Variants in DIDO1 observed in about 807,000 individuals in gnomAD.
The protein encoded by DIDO1 is death-inducer obliterator 1.
DIDO1 carries 16 observed loss-of-function variants against 99.4 expected under a neutral mutation model. The ratio of observed to expected loss-of-function variants is 0.16; its 90% CI spans 0.11 to 0.24. The LOEUF (loss-of-function observed/expected upper bound fraction) is 0.24, where lower values mean the gene tolerates loss of function less well. Among genes scored for constraint, DIDO1 ranks in the 10% least tolerant of loss-of-function variants. The pLI, the probability that DIDO1 is intolerant of heterozygous loss-of-function variation, is 1.00. For synonymous variants in DIDO1, 1,366 were observed against 1,239.1 expected, an observed-to-expected ratio of 1.10 and a Z score of -2.15; for missense variants, 2,996 against 3,014.0, an observed-to-expected ratio of 0.99 and a Z score of 0.14.
chr20:62,892,922 G>T lies in DIDO1; in HGVS notation c.3142C>A (p.Leu1048Ile), dbSNP rs751413786. 9 of 1,613,900 alleles carry T rather than the reference G, an allele frequency of 5.6e-6. No homozygotes were observed. The Admixed American group carries it at 1.5e-4, about 27-fold the overall frequency. ...SRSPPEGDTT[L>I]FLSRLSTIWK... ...ATGGTGCTGAGTCGAGACAAAAAGA[G>T]GGTCGTGTCTCCCTCTGGAGGGGAA... Residue 1048 changes from leucine to isoleucine, a missense_variant, in exon 13 of 16, where the codon CTC becomes ATC. This residue lies in a region of DIDO1 where 898 missense variants were observed against 972.7 expected (regional missense o/e 0.92). Transcript: ENST00000395343.
chr20:62,882,218 G>C lies in DIDO1; in HGVS notation c.3738C>G (p.Leu1246=), dbSNP rs1304515182. 22 of 1,613,780 alleles carry C rather than the reference G, an allele frequency of 1.4e-5. No individual in the cohort carries two copies. In the South Asian group the frequency reaches 2.4e-4, roughly 18 times the overall value. Residue 1246 remains leucine (L), a synonymous_variant, in exon 16 of 16, where the codon CTC becomes CTG. Transcript: ENST00000395343. ...QSEKKPSKYP[L]CSADAAVSTT... ...TGCTGACAGCCGCGTCTGCAGAGCA[G>C]AGTGGATACTTGGAGGGCTTCTTTT...
intron 1 of DIDO1, among the ~76,000 whole-genome samples, chr20:62,921,056 G>A (rs1457801209): frequency 6.6e-6 from 1 of 152,082 alleles, no homozygotes; most frequent in East Asian, 1.9e-4. Flanking sequence ...ACCATGCCGA[G>A]TTATTTTTTT....
chr20:62,898,575 C>G (rs2064589091), intron 6 of DIDO1, among the ~76,000 whole-genome samples: 1 of 152,174 alleles, frequency 6.6e-6, no homozygotes. Flanking sequence ...AAAGGCAAAT[C>G]CTGTATTTTC....
chr20:62,894,570 AAGTG>A lies in DIDO1; in HGVS notation c.2437-26_2437-23del, dbSNP rs2064474507. 5 of 1,601,950 alleles carry A rather than the reference AAGTG, an allele frequency of 3.1e-6. No homozygotes were observed. The highest frequency in any genetic ancestry group is 3.4e-6 in the Non-Finnish European group (4 of 1,176,510). On this transcript the variant is annotated intron_variant, in intron 10 of 15. Transcript: ENST00000395343. This position sits in a 1 kb window ranked among gnomAD's most constrained non-coding sequence, Gnocchi z 4.4. ...GTTCCTAAAAAAGAAAAAGAAAAAAAAGTGAGGTCGTTTCTTCTCCAAACTCAGC... is the reference window on the plus strand; with the variant it reads ...GTTCCTAAAAAAGAAAAAGAAAAAAAAGGTCGTTTCTTCTCCAAACTCAGC...
intron 6 of DIDO1, among the ~76,000 whole-genome samples, chr20:62,899,711 T>A (rs1568852894): frequency 1.3e-5 from 2 of 152,234 alleles, no homozygotes; most frequent in Non-Finnish European, 2.9e-5. Flanking sequence ...CATCTGTGCT[T>A]TAAAGAGCAT....
At chr20:62,889,150 G>C in intron 15 of DIDO1, 1 of 985,524 alleles carries the variant, frequency 1.0e-6, no homozygotes, top group Non-Finnish European at 1.2e-6. Flanking sequence ...CAGCAGACAA[G>C]GTGAGTGACC....
chr20:62,932,206 T>C (rs1271083760), intron 1 of DIDO1, among the ~76,000 whole-genome samples: 2 of 152,168 alleles, frequency 1.3e-5, no homozygotes, highest in Non-Finnish European at 2.9e-5. Flanking sequence ...AAAGAGTAAA[T>C]GTAGGGCCAG....
chr20:62,911,137 A>T lies in DIDO1; in HGVS notation c.476T>A (p.Leu159Gln). The part of the protein sequence containing the change: ...DDTSDSDSDG[L>Q]TLKELQNRLR... ...GCGATTCTGAAGCTCTTTCAAGGTC[A>T]GGCCATCGCTGTCACTATCGGAGGT... The change falls in exon 3 of 16, where the codon CTG becomes CAG. Residue 159 changes from leucine to glutamine, a missense_variant. Leu to Gln is a moderately radical substitution (Grantham distance 113). Transcript: ENST00000395343. The surrounding 1 kb of genome is among the most constrained non-coding windows in gnomAD (Gnocchi z 7.0). 1 of 1,614,100 alleles carries T rather than the reference A, an allele frequency of 6.2e-7. No individual in the cohort carries two copies. Among genetic ancestry groups the T allele is most frequent in the East Asian group, 2.2e-5 (1 of 44,874 alleles).
At chr20:62,884,951 T>C (rs1201470139) in intron 15 of DIDO1, among the ~76,000 whole-genome samples, 2 of 152,266 alleles carry the variant, frequency 1.3e-5, no homozygotes, top group African/African-American at 4.8e-5. Flanking sequence ...GTCGAGTTCA[T>C]GTTCTGCTTA....
intron 6 of DIDO1, among the ~76,000 whole-genome samples, chr20:62,901,378 G>A (rs538090444): frequency 6.6e-6 from 1 of 152,190 alleles, no homozygotes; most frequent in African/African-American, 2.4e-5. Context: ...ACAGATGGAC[G>A]TTCCACTCAA....
chr20:62,923,330 C>G (rs1161780876), intron 1 of DIDO1, among the ~76,000 whole-genome samples: 1 of 152,156 alleles, frequency 6.6e-6, no homozygotes, highest in Non-Finnish European at 1.5e-5. Flanking sequence ...CACGTACCAC[C>G]ACACCCAGCT....
intron 2 of DIDO1, among the ~76,000 whole-genome samples, chr20:62,912,118 A>C (rs1022733973): frequency 6.6e-6 from 1 of 152,202 alleles, no homozygotes; most frequent in Non-Finnish European, 1.5e-5. Context: ...GACTTTTGCA[A>C]GTATGGGCTG....
rs753643565 is a variant in DIDO1 at position 62,882,234 on chromosome 20, G to A, written c.3722C>T (p.Pro1241Leu). 3.1e-6 allele frequency: 5 copies of A among 1,613,854 alleles called. No individual in the cohort carries two copies. In the South Asian group the frequency reaches 3.3e-5, roughly 11 times the overall value. Residue 1241 changes from proline to leucine, a missense_variant, in exon 16 of 16, where the codon CCC (proline) becomes CTC (leucine). Pro to Leu is a moderately conservative substitution (Grantham distance 98). Transcript: ENST00000395343. ...VATVPQSEKK[P>L]SKYPLCSADA... ...TGCAGAGCAGAGTGGATACTTGGAG[G>A]GCTTCTTTTCCGACTGCGGGACTGT...
chr20:62,930,587 T>C (rs536978518), upstream of DIDO1, among the ~76,000 whole-genome samples: 8 of 152,242 alleles, frequency 5.3e-5, no homozygotes, highest in East Asian at 1.9e-4. Flanking sequence ...AAAGAATAAA[T>C]GTGAAATAGG....
Position 62,912,875 on chromosome 20 carries a change from T to C in DIDO1, c.-2-1261A>G, listed in dbSNP as rs552704585. 7.2e-5 allele frequency among the ~76,000 whole-genome samples: 11 copies of C among 152,116 alleles called. No individual in the cohort carries two copies. In the East Asian group the frequency reaches 2.1e-3, roughly 29 times the overall value. ...GGTGAAACCCCATCTCTATTAAAAA[T>C]ACAAAAATTAGCTGGGCATGGTGGC... is the stretch of plus-strand genomic sequence containing the variant. On this transcript the variant is annotated intron_variant, in intron 2 of 15. Transcript: ENST00000395343.
chr20:62,933,944 C>A (rs1355153777), intron 1 of DIDO1, among the ~76,000 whole-genome samples: 1 of 152,204 alleles, frequency 6.6e-6, no homozygotes, highest in African/African-American at 2.4e-5. Context: ...TGAAACAACT[C>A]AAGTTCAAAG....
chr20:62,887,518 C>T, intron 15 of DIDO1: 5 of 985,464 alleles, frequency 5.1e-6, no homozygotes, highest in Non-Finnish European at 6.0e-6. Flanking sequence ...GGTGTTTCCT[C>T]CTGCCCTGTA....
chr20:62,927,590 C>G (rs545018035), upstream of DIDO1, among the ~76,000 whole-genome samples: 57 of 152,366 alleles, frequency 3.7e-4, no homozygotes, highest in African/African-American at 1.3e-3. Flanking sequence ...TACCTGGAAG[C>G]ATGGACCATC....
At chr20:62,910,702 T>C in intron 3 of DIDO1, 72 bp downstream of exon 3, 1 of 1,526,960 alleles carries the variant, frequency 6.5e-7, no homozygotes, top group African/African-American at 1.4e-5. Context: ...TTTGTAACCC[T>C]TTAAAATGAA....
Sources: allele counts gnomAD v4.1 joint callset (sites outside exome capture counted in the v4.1 genomes callset), GRCh38; gene constraint gnomAD v4.1.1; regional missense constraint gnomAD v4.1.1; non-coding constraint Gnocchi (gnomAD v3.1); transcripts MANE v1.5; gene names NCBI Gene and HGNC (gene_info 2026-07-23, HGNC 2026-07-21).